Variants in SUN5 observed in about 807,000 individuals in gnomAD.
SUN5 encodes the protein Sad1 and UNC84 domain containing 5, also known as SUN domain-containing protein 5.
In SUN5, 44 loss-of-function variants were observed where a neutral mutation model predicts 53.7. The observed-to-expected ratio is 0.82, with a 90% CI of 0.64 to 1.05. SUN5 has a LOEUF of 1.05. Among genes scored for constraint, SUN5 ranks in the 50% least tolerant of loss-of-function variants. The pLI is 0.00. For synonymous variants in SUN5, 166 were observed against 179.8 expected, an observed-to-expected ratio of 0.92 and a Z score of 0.62; for missense variants, 433 against 483.8, an observed-to-expected ratio of 0.90 and a Z score of 0.98.
At chr20:32,995,506 A>T (rs944995556) in intron 8 of SUN5, 113 bp downstream of exon 8, 1 of 822,210 alleles carries the variant, frequency 1.2e-6, no homozygotes, top group African/African-American at 1.7e-5. Context: ...TCACTGGGGG[A>T]TGTGCTCCCT....
intron 4 of SUN5, among the ~76,000 whole-genome samples, chr20:33,000,521 G>A (rs6059004): frequency 0.34 from 51,976 of 152,172 alleles, 9,567 homozygotes; most frequent in East Asian, 0.78. Flanking sequence ...AAGGAAAAGG[G>A]AAGGAAAGAA....
At chr20:33,000,696 T>G (rs1393068967) in intron 4 of SUN5, among the ~76,000 whole-genome samples, 4 of 151,966 alleles carry the variant, frequency 2.6e-5, no homozygotes, top group Non-Finnish European at 5.9e-5. Flanking sequence ...AATACAAAAA[T>G]TAGCCAGACG....
chr20:32,998,907 C>A (rs966874758), intron 5 of SUN5, among the ~76,000 whole-genome samples: 1 of 151,890 alleles, frequency 6.6e-6, no homozygotes, highest in Non-Finnish European at 1.5e-5. Flanking sequence ...TGATGGTGCA[C>A]GCTTATAGTC....
Position 32,987,793 on chromosome 20 carries a change from G to T in SUN5, c.614-18C>A. On this transcript the variant is annotated intron_variant, in intron 9 of 12. Transcript: ENST00000356173. ...GCTGGCCCCTGTATAGGAGAAGGGG[G>T]TCTCAGCCAAGCAGCCGGGCTTCTG... The T allele has an allele frequency of 2.5e-6, 4 of 1,602,310 alleles. No homozygotes were observed. The highest frequency in any genetic ancestry group is 4.5e-5 in the East Asian group (2 of 44,664).
intron 11 of SUN5, 45 bp downstream of exon 11, chr20:32,985,691 G>T: frequency 6.3e-7 from 1 of 1,599,830 alleles, no homozygotes; most frequent in Non-Finnish European, 8.5e-7. Context: ...CCATTGGAAG[G>T]TTGTCCCTTT....
chr20:32,997,103 CGGACCTTGAT>C (rs997711104), intron 6 of SUN5, among the ~76,000 whole-genome samples: 6 of 152,134 alleles, frequency 3.9e-5, no homozygotes, highest in Admixed American at 1.3e-4. Context: ...ATATTTTAGC[CGGACCTTGAT>C]GGACCTTGAT....
intron 9 of SUN5, among the ~76,000 whole-genome samples, chr20:32,989,388 G>C (rs1409556413): frequency 6.6e-6 from 1 of 152,012 alleles, no homozygotes; most frequent in Non-Finnish European, 1.5e-5. Context: ...ATAATGTTGA[G>C]GGCCTGTGGA....
intron 12 of SUN5, among the ~76,000 whole-genome samples, chr20:32,984,540 C>G (rs1006137446): frequency 6.6e-5 from 10 of 152,196 alleles, no homozygotes; most frequent in African/African-American, 2.4e-4. Flanking sequence ...AAAACTGAGG[C>G]TCCAGAGAAG....
At chr20:32,986,787 C>G (rs1292464811) in intron 10 of SUN5, among the ~76,000 whole-genome samples, 1 of 152,208 alleles carries the variant, frequency 6.6e-6, no homozygotes, top group Non-Finnish European at 1.5e-5. Context: ...GCTTTGCAAC[C>G]CAGCCACTGC....
chr20:32,996,568 C>T (rs1197773631), intron 6 of SUN5, among the ~76,000 whole-genome samples: 1 of 152,108 alleles, frequency 6.6e-6, no homozygotes, highest in African/African-American at 2.4e-5. Context: ...ATCCATCCAT[C>T]CACACCTTCA....
intron 8 of SUN5, among the ~76,000 whole-genome samples, chr20:32,993,602 A>T (rs1337468763): frequency 6.6e-6 from 1 of 152,238 alleles, no homozygotes; most frequent in Non-Finnish European, 1.5e-5. Flanking sequence ...TCTGAAAAGC[A>T]GAATAAAACT....
At chr20:32,993,394 T>C (rs1989756924) in intron 8 of SUN5, among the ~76,000 whole-genome samples, 1 of 152,182 alleles carries the variant, frequency 6.6e-6, no homozygotes, top group Non-Finnish European at 1.5e-5. Flanking sequence ...ATTCTAGGCA[T>C]AGGCTAAGGA....
chr20:32,996,775 C>A (rs1434730348), intron 6 of SUN5, among the ~76,000 whole-genome samples: 3 of 152,122 alleles, frequency 2.0e-5, no homozygotes, highest in African/African-American at 7.2e-5. Context: ...TTTCATCCAC[C>A]CATTCACCTA....
intron 3 of SUN5, 23 bp downstream of exon 3, chr20:33,002,564 G>A: frequency 6.2e-7 from 1 of 1,612,950 alleles, no homozygotes; most frequent in Admixed American, 1.7e-5. Flanking sequence ...GATGACGAAG[G>A]TGATTATTCA....
chr20:33,000,206 C>T, intron 4 of SUN5, 71 bp from the exon 5 acceptor site: 1 of 1,506,536 alleles, frequency 6.6e-7, no homozygotes, highest in Non-Finnish European at 8.9e-7. Flanking sequence ...TCCTCCTCGT[C>T]ACTCTCTTTC....
At chr20:33,000,777 A>AG (rs1989981514) in intron 4 of SUN5, among the ~76,000 whole-genome samples, 1 of 151,264 alleles carries the variant, frequency 6.6e-6, no homozygotes, top group South Asian at 2.1e-4. Flanking sequence ...TTCGAAAAGT[A>AG]GAGGCTGCAG....
At chr20:32,995,768 G>A (rs755610127) in intron 7 of SUN5, 41 bp from the exon 8 acceptor site, 5 of 1,569,238 alleles carry the variant, frequency 3.2e-6, no homozygotes, top group Non-Finnish European at 4.4e-6. Context: ...GTTGATTTGT[G>A]ATGCGTTGTT....
Position 32,997,463 on chromosome 20 carries a change from G to A in SUN5, c.390+175C>T, listed in dbSNP as rs572055796. Among the ~76,000 whole-genome samples, 8 of 152,192 alleles carry A rather than the reference G, an allele frequency of 5.3e-5. No individual in the cohort carries two copies. The East Asian group carries it at 1.4e-3, about 26-fold the overall frequency. On this transcript the variant is annotated intron_variant, in intron 6 of 12. Coordinates refer to ENST00000356173, the MANE Select transcript of SUN5 (RefSeq NM_080675.4). ...ATCCAATCTTTGAAAGTCACCTCTG[G>A]CAGAGAGATGGGTTCTAGGTGGATG...
chr20:33,001,904 G>A (rs1990059597), intron 3 of SUN5, among the ~76,000 whole-genome samples: 1 of 152,056 alleles, frequency 6.6e-6, no homozygotes, highest in Non-Finnish European at 1.5e-5. Flanking sequence ...TGCCCGCCTT[G>A]GCCTCCCAAA....
Sources: gnomAD v4.1 joint callset for allele counts (sites outside exome capture counted in the v4.1 genomes callset) on GRCh38, gnomAD v4.1.1 for gene constraint, MANE v1.5 for transcripts, NCBI Gene and HGNC (gene_info 2026-07-23, HGNC 2026-07-21) for gene names.